NALF1: variants seen among roughly 807,000 people sequenced by gnomAD.
NALF1 encodes NALCN channel auxiliary factor 1, also known as family with sequence similarity 155 member A.
Under a neutral mutation model 48.4 loss-of-function variants are expected in NALF1, and 3 were observed. The ratio of observed to expected loss-of-function variants is 0.06; its 90% confidence interval spans 0.03 to 0.16. NALF1 has a LOEUF of 0.16. NALF1 is among the 10% of genes least tolerant of loss of function. The probability of loss-of-function intolerance (pLI) is 1.00; values close to 1 mark genes in which losing one functional copy is unlikely to be tolerated. For synonymous variants in NALF1, 262 were observed against 245.7 expected (o/e 1.07, Z -0.62); for missense variants, 526 against 571.5 (o/e 0.92, Z 0.81).
intron 1 of NALF1, among the ~76,000 whole-genome samples, chr13:107,418,541 T>C (rs1289550917): frequency 6.6e-6 from 1 of 152,178 alleles, no homozygotes; most frequent in Non-Finnish European, 1.5e-5. Flanking sequence ...ATACAATCTA[T>C]TTCTTTTTTT....
At chr13:107,558,584 A>C (rs954610572) in intron 1 of NALF1, among the ~76,000 whole-genome samples, 1 of 152,192 alleles carries the variant, frequency 6.6e-6, no homozygotes, top group Non-Finnish European at 1.5e-5. Context: ...GGTTTAAGGT[A>C]TGGCTTGAAC....
At chr13:107,358,452 T>C (rs1465631865) in intron 1 of NALF1, among the ~76,000 whole-genome samples, 2 of 152,142 alleles carry the variant, frequency 1.3e-5, no homozygotes, top group East Asian at 3.9e-4. Context: ...CCCATCAAAA[T>C]ATATTTTTAA....
intron 1 of NALF1, among the ~76,000 whole-genome samples, chr13:107,220,991 C>A (rs536453675): frequency 2.6e-5 from 4 of 152,196 alleles, no homozygotes; most frequent in Non-Finnish European, 5.9e-5. Context: ...AACAAAATTT[C>A]TTTTGCAGCA....
intron 1 of NALF1, among the ~76,000 whole-genome samples, chr13:107,782,134 G>A (rs1338123558): frequency 6.6e-6 from 1 of 152,122 alleles, no homozygotes; most frequent in Non-Finnish European, 1.5e-5. Context: ...CCGCCATCTC[G>A]GCTCACTGCA....
chr13:107,298,869 A>G (rs990001356), intron 1 of NALF1, among the ~76,000 whole-genome samples: 1 of 152,196 alleles, frequency 6.6e-6, no homozygotes, highest in African/African-American at 2.4e-5. Flanking sequence ...CTACAATGCA[A>G]TTCTCAAAAA....
intron 1 of NALF1, among the ~76,000 whole-genome samples, chr13:107,345,545 C>T (rs1882755798): frequency 6.6e-6 from 1 of 152,106 alleles, no homozygotes; most frequent in South Asian, 2.1e-4. Context: ...GCAAAGTCTA[C>T]ACAATATGGA....
chr13:107,183,239 C>T (rs1879104120), intron 2 of NALF1, among the ~76,000 whole-genome samples: 2 of 152,210 alleles, frequency 1.3e-5, no homozygotes, highest in African/African-American at 4.8e-5. Context: ...TTGTCCATGC[C>T]AGTCCAACCC....
At chr13:107,449,569 C>T (rs1050748290) in intron 1 of NALF1, among the ~76,000 whole-genome samples, 14 of 152,136 alleles carry the variant, frequency 9.2e-5, no homozygotes, top group South Asian at 8.3e-4. Context: ...AATGCACAAG[C>T]GGATATGTAG....
At chr13:107,241,051 T>TAA (rs34271681) in intron 1 of NALF1, among the ~76,000 whole-genome samples, 4,614 of 66,234 alleles carry the variant, frequency 0.07, 331 homozygotes, top group African/African-American at 0.11. Context: ...CCATATCTAC[T>TAA]AAAAAAAAAA....
chr13:107,458,769 A>AT (rs1884868674), intron 1 of NALF1, among the ~76,000 whole-genome samples: 5 of 152,296 alleles, frequency 3.3e-5, no homozygotes, highest in African/African-American at 1.2e-4. Context: ...CCTGGGAGTA[A>AT]TTTTTGGCGT....
At chr13:107,838,048 G>C (rs1283730885) in intron 1 of NALF1, among the ~76,000 whole-genome samples, 1 of 152,156 alleles carries the variant, frequency 6.6e-6, no homozygotes, top group Non-Finnish European at 1.5e-5. Context: ...TGTTCAGACT[G>C]AACTTCCAAA....
chr13:107,693,337 C>CG (rs140909907), intron 1 of NALF1, among the ~76,000 whole-genome samples: 61,355 of 128,654 alleles, frequency 0.48, 14,138 homozygotes, highest in East Asian at 0.77. Context: ...GTAGGGGGGG[C>CG]GGGAGGGATA....
At chr13:107,252,878 T>G (rs1472166648) in intron 1 of NALF1, among the ~76,000 whole-genome samples, 1 of 152,230 alleles carries the variant, frequency 6.6e-6, no homozygotes, top group Non-Finnish European at 1.5e-5. Flanking sequence ...TCAGGGAAGG[T>G]ATAGTAGAAA....
At chr13:107,777,674 C>T (rs943370074) in intron 1 of NALF1, among the ~76,000 whole-genome samples, 3 of 152,264 alleles carry the variant, frequency 2.0e-5, no homozygotes, top group Middle Eastern at 3.4e-3. Context: ...TCCTCTACAC[C>T]CTGCAAAACA....
intron 1 of NALF1, among the ~76,000 whole-genome samples, chr13:107,571,784 T>C (rs1394852681): frequency 6.6e-6 from 1 of 152,194 alleles, no homozygotes; most frequent in Non-Finnish European, 1.5e-5. Context: ...TACTGAATTG[T>C]AGGGCACCCC....
At chr13:107,792,787 A>C (rs1878289795) in intron 1 of NALF1, among the ~76,000 whole-genome samples, 1 of 151,636 alleles carries the variant, frequency 6.6e-6, no homozygotes, top group African/African-American at 2.4e-5. Context: ...ACACTTTTTA[A>C]GCTTAATTCT....
intron 1 of NALF1, among the ~76,000 whole-genome samples, chr13:107,668,378 T>A (rs1880911838): frequency 6.6e-6 from 1 of 151,950 alleles, no homozygotes; most frequent in South Asian, 2.1e-4. Context: ...TTGCTCCTGT[T>A]GTCCTGCTTG....
chr13:107,176,671 G>A (rs2806524), intron 2 of NALF1, among the ~76,000 whole-genome samples: 96,625 of 151,532 alleles, frequency 0.64, 31,322 homozygotes, highest in African/African-American at 0.77. Context: ...ATAATAATAC[G>A]CATAAATTGT....
Position 107,318,080 on chromosome 13 carries a change from C to G in NALF1, c.916-107325G>C, listed in dbSNP as rs186285948. ...GGCATGCAAATACGGTAAGGAGATA[C>G]GACTGAGCATAAGAACTCTGTCAGA... On this transcript the variant is annotated intron_variant, in intron 1 of 2. Coordinates refer to ENST00000375915, the MANE Select transcript of NALF1 (RefSeq NM_001080396.3). Among the ~76,000 whole-genome samples the G allele has an allele frequency of 1.2e-3, 177 of 152,064 alleles. 1 individual carries two copies. The highest frequency in any genetic ancestry group is 4.0e-3 in the African/African-American group (164 of 41,514).
Sources: gnomAD v4.1 joint callset for allele counts (sites outside exome capture counted in the v4.1 genomes callset) on GRCh38, gnomAD v4.1.1 for gene constraint, MANE v1.5 for transcripts, NCBI Gene and HGNC (gene_info 2026-07-23, HGNC 2026-07-21) for gene names.